Variants in SMYD4 observed in about 807,000 individuals in gnomAD.
SMYD4 encodes protein-lysine N-methyltransferase SMYD4.
In SMYD4, 68 loss-of-function variants were observed where a neutral mutation model predicts 72.8. The observed-to-expected ratio is 0.93, with a 90% confidence interval of 0.77 to 1.14. The LOEUF is 1.14. Ranked by LOEUF, SMYD4 falls within the 50% of genes most tolerant of loss-of-function variation. SMYD4 has a pLI of 0.00. For synonymous variants in SMYD4, 407 were observed against 388.6 expected, an observed-to-expected ratio of 1.05 and a Z score of -0.56; for missense variants, 984 against 1,003.7, an observed-to-expected ratio of 0.98 and a Z score of 0.27.
At position 1,786,840 on chromosome 17, in the gene SMYD4, G is replaced by A; in HGVS notation, c.1854C>T (p.Phe618=). ...RMAAGPRWEA[F]CCNSCGAPMQ... is the part of the protein sequence containing the mutation. ...TGGGCGCTCCGCAACTGTTGCAACAGAATGCTTCCCACCTGGGCCCTGCAG... is the reference window on the plus strand; with the variant it reads ...TGGGCGCTCCGCAACTGTTGCAACAAAATGCTTCCCACCTGGGCCCTGCAG... Residue 618 remains phenylalanine (F), a synonymous_variant, in exon 7 of 11, where the codon TTC becomes TTT. Transcript: ENST00000305513. 6.2e-7 allele frequency: 1 copy of A among 1,614,228 alleles called. No homozygotes were observed.
intron 2 of SMYD4, among the ~76,000 whole-genome samples, chr17:1,819,538 A>T (rs2151252364): frequency 6.6e-6 from 1 of 152,258 alleles, no homozygotes; most frequent in South Asian, 2.1e-4. Context: ...TAAATACTCT[A>T]TAGGGCCATA....
chr17:1,815,511 T>C (rs899830252), intron 2 of SMYD4, among the ~76,000 whole-genome samples: 1 of 151,484 alleles, frequency 6.6e-6, no homozygotes, highest in Non-Finnish European at 1.5e-5. Flanking sequence ...ATTCTTTTTT[T>C]TTTTTTTTTA....
Position 1,783,527 on chromosome 17 carries a change from G to A in SMYD4, c.2021-51C>T, listed in dbSNP as rs777341424. ...CACTATAGACAGAAGCCCAGTCCTA[G>A]GAATGAGAATCCAGGTCTCAAATCC... On this transcript the variant is annotated intron_variant, in intron 8 of 10. Transcript: ENST00000305513. 1.5e-5 allele frequency: 24 copies of A among 1,553,734 alleles called. No homozygotes were observed. The South Asian group carries it at 2.8e-4, about 18-fold the overall frequency.
At chr17:1,801,059 G>C (rs771385109) in intron 4 of SMYD4, 35 bp from the exon 5 acceptor site, 1 of 1,543,916 alleles carries the variant, frequency 6.5e-7, no homozygotes, top group Non-Finnish European at 8.8e-7. Flanking sequence ...AATGACCCTT[G>C]GTCCCTATTC....
chr17:1,808,568 T>G lies in SMYD4; in HGVS notation c.279+3403A>C, dbSNP rs943683447. On this transcript the variant is annotated intron_variant, in intron 3 of 10. Coordinates refer to ENST00000305513, the MANE Select transcript of SMYD4 (RefSeq NM_052928.3). ...TACAATCAGACAAAAACAACAAATATTTTTAAAAAGAAAGAAAATAGCAGC... is the reference window on the plus strand; with the variant it reads ...TACAATCAGACAAAAACAACAAATAGTTTTAAAAAGAAAGAAAATAGCAGC... 5.9e-5 allele frequency among the ~76,000 whole-genome samples: 9 copies of G among 152,204 alleles called. No individual in the cohort carries two copies. In the South Asian group the frequency reaches 1.0e-3, roughly 18 times the overall value.
chr17:1,808,851 C>G (rs576370187), intron 3 of SMYD4, among the ~76,000 whole-genome samples: 1 of 152,308 alleles, frequency 6.6e-6, no homozygotes, highest in African/African-American at 2.4e-5. Context: ...TTTAATCCCT[C>G]AGCAACCACT....
In SMYD4 at chr17:1,781,242, G is replaced by A. The variant is rs1245951421; in HGVS notation, c.*44C>T. 2 of 1,591,796 alleles carry A rather than the reference G, an allele frequency of 1.3e-6. No homozygotes were observed. Among genetic ancestry groups the A allele is most frequent in the Non-Finnish European group, 1.7e-6 (2 of 1,171,946 alleles). ...GGCCAGCAAAACCTCTTTAACTTGTGTTCCATGGGCTCCTTTTCTGTGGGT... is the reference window on the plus strand; with the variant it reads ...GGCCAGCAAAACCTCTTTAACTTGTATTCCATGGGCTCCTTTTCTGTGGGT... On this transcript the variant is annotated 3_prime_UTR_variant, in exon 11 of 11. Transcript: ENST00000305513.
chr17:1,827,753 A>G (rs975389520), intron 2 of SMYD4, 108 bp downstream of exon 2: 33 of 1,385,620 alleles, frequency 2.4e-5, no homozygotes, highest in Non-Finnish European at 3.0e-5. Flanking sequence ...CTGGGAAACA[A>G]GCAAGACTCA....
chr17:1,829,061 T>G (rs1911373175), intron 1 of SMYD4, among the ~76,000 whole-genome samples: 1 of 152,176 alleles, frequency 6.6e-6, no homozygotes, highest in African/African-American at 2.4e-5. Context: ...ATAATTAATG[T>G]CCATGCCATT....
chr17:1,813,848 CA>C (rs950073743), intron 2 of SMYD4, among the ~76,000 whole-genome samples: 1 of 150,418 alleles, frequency 6.6e-6, no homozygotes, highest in Non-Finnish European at 1.5e-5. Context: ...CACATACTAA[CA>C]AAAAATATAC....
intron 7 of SMYD4, among the ~76,000 whole-genome samples, chr17:1,785,763 CA>C (rs1355052619): frequency 1.4e-4 from 6 of 42,088 alleles, no homozygotes; most frequent in Admixed American, 4.9e-4. Context: ...GACCCCATCT[CA>C]AAAAAAAAAA....
At chr17:1,829,006 T>C (rs12952857) in intron 1 of SMYD4, among the ~76,000 whole-genome samples, 107,368 of 151,890 alleles carry the variant, frequency 0.71, 38,898 homozygotes, top group Non-Finnish European at 0.79. Flanking sequence ...TTCAGCGTTC[T>C]GATTAAGTCC....
chr17:1,788,467 C>T (rs1246626259), intron 5 of SMYD4, among the ~76,000 whole-genome samples: 7 of 151,952 alleles, frequency 4.6e-5, no homozygotes, highest in East Asian at 1.9e-4. Context: ...TCATTTTGGC[C>T]GGGCGCGGTG....
intron 5 of SMYD4, among the ~76,000 whole-genome samples, chr17:1,793,544 G>C (rs1379927793): frequency 1.3e-5 from 2 of 151,944 alleles, no homozygotes; most frequent in Non-Finnish European, 2.9e-5. Context: ...GGCAATTAAG[G>C]CTTAGACTCA....
chr17:1,781,754 G>A (rs1597361851), intron 10 of SMYD4: 1 of 179,248 alleles, frequency 5.6e-6, no homozygotes, highest in South Asian at 1.1e-4. Context: ...TGCAACCTCC[G>A]CCTCCCGGGT....
rs146644310 is a variant in SMYD4 at position 1,819,657 on chromosome 17, G to A, written c.135-7542C>T. Among the ~76,000 whole-genome samples, 644 of 152,228 alleles carry A rather than the reference G, an allele frequency of 4.2e-3. 8 individuals carry two copies. The highest frequency in any genetic ancestry group is 0.024 in the East Asian group (125 of 5,188). On this transcript the variant is annotated intron_variant, in intron 2 of 10. Coordinates refer to ENST00000305513, the MANE Select transcript of SMYD4 (RefSeq NM_052928.3). ...CCATCACACTAGGGGTTACAAAATG[G>A]CGATTTTTCTAATTCTACCATTATT...
intron 5 of SMYD4, among the ~76,000 whole-genome samples, chr17:1,793,995 G>GTATA (rs546171787): frequency 1.1e-5 from 1 of 91,602 alleles, no homozygotes; most frequent in Non-Finnish European, 2.1e-5. Flanking sequence ...TAATTTTTGT[G>GTATA]TATATATATA....
intron 3 of SMYD4, among the ~76,000 whole-genome samples, chr17:1,807,419 C>CT (rs889317683): frequency 1.9e-5 from 2 of 102,866 alleles, no homozygotes; most frequent in Non-Finnish European, 4.5e-5. Context: ...CCGCGTACCG[C>CT]CCCCCCCGGC....
chr17:1,818,755 C>T (rs993759820), intron 2 of SMYD4, among the ~76,000 whole-genome samples: 1 of 151,942 alleles, frequency 6.6e-6, no homozygotes, highest in Non-Finnish European at 1.5e-5. Flanking sequence ...TACCTCCTGC[C>T]TCAGCCTCCC....
Sources: gnomAD v4.1 joint callset for allele counts (sites outside exome capture counted in the v4.1 genomes callset) on GRCh38, gnomAD v4.1.1 for gene constraint, MANE v1.5 for transcripts, NCBI Gene and HGNC (gene_info 2026-07-23, HGNC 2026-07-21) for gene names.